The following DLGAP2 variants were observed in gnomAD, a reference collection of about 807,000 sequenced individuals.
DLGAP2 encodes DLG associated protein 2, also known as disks large-associated protein 2.
DLGAP2 carries 26 observed loss-of-function variants against 100.3 expected under a neutral mutation model. That is an observed-to-expected ratio of 0.26 (90% CI 0.19 to 0.36). The LOEUF (loss-of-function observed/expected upper bound fraction) is 0.36, where lower values mean the gene tolerates loss of function less well. DLGAP2 is among the 10% of genes least tolerant of loss of function. The pLI, the probability that DLGAP2 is intolerant of heterozygous loss-of-function variation, is 1.00. For missense variants in DLGAP2, 1,858 were observed against 1,453.2 expected (o/e 1.28, Z -4.53); for synonymous variants, 886 against 630.1 (o/e 1.41, Z -6.08).
intron 2 of DLGAP2, among the ~76,000 whole-genome samples, chr8:1,028,134 C>G (rs34546254): frequency 9.8e-3 from 388 of 39,464 alleles, no homozygotes; most frequent in Middle Eastern, 0.025. Flanking sequence ...TGGGGTGTCA[C>G]GCGCCCGTTA....
intron 4 of DLGAP2, among the ~76,000 whole-genome samples, chr8:1,518,859 G>A (rs1800487497): frequency 6.6e-6 from 1 of 152,214 alleles, no homozygotes; most frequent in South Asian, 2.1e-4. Context: ...GCATTCAGTG[G>A]ATACTGAGCG....
chr8:815,867 T>C (rs4735819), intron 1 of DLGAP2, among the ~76,000 whole-genome samples: 29,806 of 152,144 alleles, frequency 0.2, 3,629 homozygotes, highest in Admixed American at 0.38. Context: ...GATGTAGTAA[T>C]TGTTTTATAA....
intron 2 of DLGAP2, among the ~76,000 whole-genome samples, chr8:1,256,203 A>ATCC (rs200788296): frequency 3.2e-5 from 1 of 31,038 alleles, no homozygotes; most frequent in Non-Finnish European, 5.4e-5. Context: ...GTGTCCTCTC[A>ATCC]TGCCCGGGTG....
chr8:979,704 C>T (rs1800274440), intron 2 of DLGAP2, among the ~76,000 whole-genome samples: 1 of 152,190 alleles, frequency 6.6e-6, no homozygotes, highest in Admixed American at 6.6e-5. Flanking sequence ...GCTATCCACC[C>T]AAAATGACCC....
chr8:1,114,407 TC>T (rs1275724554), intron 2 of DLGAP2, among the ~76,000 whole-genome samples: 6 of 152,202 alleles, frequency 3.9e-5, no homozygotes, highest in African/African-American at 1.4e-4. Context: ...GGAATCAGCT[TC>T]TTCCTGGTTC....
chr8:906,835 A>C (rs751984806), intron 1 of DLGAP2, among the ~76,000 whole-genome samples: 3 of 152,208 alleles, frequency 2.0e-5, no homozygotes, highest in Non-Finnish European at 4.4e-5. Context: ...ACTAAAACTC[A>C]TTATTGTTTT....
chr8:1,437,301 C>G (rs1029420012), intron 3 of DLGAP2, among the ~76,000 whole-genome samples: 4 of 152,258 alleles, frequency 2.6e-5, no homozygotes, highest in African/African-American at 9.6e-5. Context: ...AGGCGCGAAG[C>G]CATGCGGGTT....
intron 3 of DLGAP2, among the ~76,000 whole-genome samples, chr8:1,491,324 C>T (rs1799378407): frequency 1.3e-5 from 2 of 152,236 alleles, no homozygotes; most frequent in South Asian, 4.1e-4. Flanking sequence ...TGCTTTCAGG[C>T]CGCTGCTCCT....
chr8:1,411,824 C>T lies in DLGAP2; in HGVS notation c.107-89542C>T, dbSNP rs192606725. Among the ~76,000 whole-genome samples, 331 of 152,314 alleles carry T rather than the reference C, an allele frequency of 2.2e-3. 1 individual carries two copies. Among genetic ancestry groups the T allele is most frequent in the Non-Finnish European group, 3.2e-3 (221 of 68,032 alleles). On this transcript the variant is annotated intron_variant, in intron 3 of 14. Transcript: ENST00000637795. ...GTCTCTCTCACTAAGGGTGAATTTT[C>T]CCTAATCAGCTCTGCCCTCATGAGC...
At chr8:1,212,370 G>C (rs992631845) in intron 2 of DLGAP2, among the ~76,000 whole-genome samples, 3 of 152,212 alleles carry the variant, frequency 2.0e-5, no homozygotes, top group African/African-American at 7.2e-5. Context: ...GACCCATGGA[G>C]CATTAAGAGA....
At chr8:1,312,729 G>C (rs7834721) in intron 3 of DLGAP2, among the ~76,000 whole-genome samples, 26,210 of 152,184 alleles carry the variant, frequency 0.17, 2,452 homozygotes, top group Non-Finnish European at 0.2. Flanking sequence ...CATACCTTTT[G>C]ACTCAGTTAA....
chr8:1,286,921 C>T (rs7837388), intron 3 of DLGAP2, among the ~76,000 whole-genome samples: 18,829 of 152,258 alleles, frequency 0.12, 1,504 homozygotes, highest in East Asian at 0.24. Flanking sequence ...ACAATGAGGG[C>T]TTATGCTTGA....
intron 1 of DLGAP2, among the ~76,000 whole-genome samples, chr8:760,997 C>G (rs948067591): frequency 4.6e-5 from 7 of 152,138 alleles, no homozygotes; most frequent in African/African-American, 1.7e-4. Flanking sequence ...GCATTTTGAT[C>G]GGGGGACATA....
At chr8:1,433,417 A>G (rs1277495402) in intron 3 of DLGAP2, among the ~76,000 whole-genome samples, 1 of 152,198 alleles carries the variant, frequency 6.6e-6, no homozygotes, top group African/African-American at 2.4e-5. Flanking sequence ...GCCAGGCCCA[A>G]GCACCCGAAC....
intron 3 of DLGAP2, among the ~76,000 whole-genome samples, chr8:1,281,409 G>A (rs1799811227): frequency 6.6e-6 from 1 of 152,120 alleles, no homozygotes; most frequent in African/African-American, 2.4e-5. Context: ...CGCCCCCAGT[G>A]GCTTACAGCT....
At chr8:979,773 A>G (rs1055596974) in intron 2 of DLGAP2, among the ~76,000 whole-genome samples, 4 of 152,224 alleles carry the variant, frequency 2.6e-5, no homozygotes, top group African/African-American at 9.6e-5. Context: ...AGGAAGGATT[A>G]GGATATTTTG....
intron 2 of DLGAP2, among the ~76,000 whole-genome samples, chr8:958,976 G>A (rs1338118740): frequency 6.6e-6 from 1 of 152,158 alleles, no homozygotes. Context: ...CATTGATGCT[G>A]AAGATTATGC....
chr8:906,037 A>G (rs764299653), intron 1 of DLGAP2, among the ~76,000 whole-genome samples: 1 of 152,228 alleles, frequency 6.6e-6, no homozygotes, highest in African/African-American at 2.4e-5. Flanking sequence ...GTCTGGAGCT[A>G]ACCGTCGGTG....
intron 1 of DLGAP2, among the ~76,000 whole-genome samples, chr8:878,855 A>G (rs775987234): frequency 2.0e-5 from 3 of 152,208 alleles, no homozygotes; most frequent in African/African-American, 4.8e-5. Flanking sequence ...CATGGGCACC[A>G]TGCTCTTGGA....
Sources: gnomAD v4.1 joint callset for allele counts (sites outside exome capture counted in the v4.1 genomes callset) on GRCh38, gnomAD v4.1.1 for gene constraint, MANE v1.5 for transcripts, NCBI Gene and HGNC (gene_info 2026-07-23, HGNC 2026-07-21) for gene names.